Variants in CNIH3 observed in about 807,000 individuals in gnomAD.
CNIH3 encodes protein cornichon homolog 3.
A neutral mutation model predicts 24.1 loss-of-function variants in CNIH3; 14 were observed. That is an observed-to-expected ratio of 0.58 (90% confidence interval 0.38 to 0.91). The LOEUF is 0.91. Among genes scored for constraint, CNIH3 ranks in the 40% least tolerant of loss-of-function variants. The pLI, the probability that CNIH3 is intolerant of heterozygous loss-of-function variation, is 0.00. For missense variants in CNIH3, 178 were observed against 196.8 expected, an observed-to-expected ratio of 0.90 and a Z score of 0.57; for synonymous variants, 68 against 73.8, an observed-to-expected ratio of 0.92 and a Z score of 0.40.
intron 1 of CNIH3, among the ~76,000 whole-genome samples, chr1:224,668,821 G>T (rs1290702236): frequency 6.6e-6 from 1 of 152,022 alleles, no homozygotes; most frequent in Non-Finnish European, 1.5e-5. Flanking sequence ...CCTGGGGCTG[G>T]GGGTGATTAC....
intron 3 of CNIH3, among the ~76,000 whole-genome samples, chr1:224,692,790 T>G (rs1274961647): frequency 6.6e-6 from 1 of 152,110 alleles, no homozygotes; most frequent in Non-Finnish European, 1.5e-5. Flanking sequence ...GTGACCAGAG[T>G]CCACATTTCT....
At chr1:224,559,949 T>G (rs1680296170) in intron 3 of CNIH3, among the ~76,000 whole-genome samples, 1 of 152,202 alleles carries the variant, frequency 6.6e-6, no homozygotes, top group African/African-American at 2.4e-5. Context: ...AATCCCTAAA[T>G]ATGATATTTT....
At chr1:224,548,093 T>C (rs144842750) in intron 3 of CNIH3, among the ~76,000 whole-genome samples, 1 of 152,198 alleles carries the variant, frequency 6.6e-6, no homozygotes, top group African/African-American at 2.4e-5. Context: ...GTACACCCCG[T>C]GATGTTATTT....
chr1:224,494,970 C>A (rs899472690), intron 1 of CNIH3, among the ~76,000 whole-genome samples: 1 of 152,210 alleles, frequency 6.6e-6, no homozygotes, highest in South Asian at 2.1e-4. Context: ...CCTGAGCCCC[C>A]CAAGCTGCTC....
chr1:224,711,310 TTC>T (rs1033710740), intron 3 of CNIH3, among the ~76,000 whole-genome samples: 3 of 150,326 alleles, frequency 2.0e-5, no homozygotes, highest in African/African-American at 4.9e-5. Context: ...TTTTTAATCT[TTC>T]TCTCTCTCTC....
upstream of CNIH3, among the ~76,000 whole-genome samples, chr1:224,513,361 G>GGA (rs1390655461): frequency 1.6e-5 from 2 of 127,294 alleles, no homozygotes; most frequent in African/African-American, 5.8e-5. Context: ...GGTGGGGGTG[G>GGA]GAGGGGGGGG....
intron 1 of CNIH3, among the ~76,000 whole-genome samples, chr1:224,439,455 A>G (rs1011840047): frequency 6.6e-6 from 1 of 152,140 alleles, no homozygotes; most frequent in African/African-American, 2.4e-5. Flanking sequence ...AATGAACCAT[A>G]GAAACGAGAT....
At chr1:224,543,082 A>C (rs929095949) in intron 2 of CNIH3, among the ~76,000 whole-genome samples, 13 of 152,176 alleles carry the variant, frequency 8.5e-5, no homozygotes, top group Non-Finnish European at 1.2e-4. Context: ...GAGCTATGTG[A>C]TATCAGCCGG....
At chr1:224,475,001 T>C (rs34791963) in intron 1 of CNIH3, among the ~76,000 whole-genome samples, 47,059 of 134,890 alleles carry the variant, frequency 0.35, 9,036 homozygotes, top group African/African-American at 0.56. Context: ...GTCGAGATCG[T>C]GCCACTGCAC....
chr1:224,721,846 G>A (rs1305015219), intron 3 of CNIH3, among the ~76,000 whole-genome samples: 2 of 152,184 alleles, frequency 1.3e-5, no homozygotes, highest in African/African-American at 4.8e-5. Flanking sequence ...GATTCTGGAG[G>A]TGGAAGGATG....
chr1:224,702,242 A>G (rs1290297018), intron 3 of CNIH3, among the ~76,000 whole-genome samples: 2 of 152,214 alleles, frequency 1.3e-5, no homozygotes, highest in Admixed American at 6.5e-5. Flanking sequence ...ATAATATTCC[A>G]TAGTACACAC....
intron 1 of CNIH3, among the ~76,000 whole-genome samples, chr1:224,649,845 C>G (rs1419778456): frequency 6.6e-6 from 1 of 152,218 alleles, no homozygotes; most frequent in African/African-American, 2.4e-5. Flanking sequence ...TATAATCTCT[C>G]TGTTGTAAAT....
chr1:224,550,832 C>T (rs983397480), intron 3 of CNIH3, among the ~76,000 whole-genome samples: 5 of 151,706 alleles, frequency 3.3e-5, no homozygotes, highest in African/African-American at 1.2e-4. Flanking sequence ...TAGGTTATAT[C>T]TCCTAATGCT....
intron 1 of CNIH3, among the ~76,000 whole-genome samples, chr1:224,451,524 T>A (rs1675398107): frequency 6.6e-6 from 1 of 152,246 alleles, no homozygotes; most frequent in Admixed American, 6.5e-5. Context: ...TAGAGCCTGC[T>A]ATGGCACAAT....
At chr1:224,630,920 G>A (rs1382534899) in intron 1 of CNIH3, among the ~76,000 whole-genome samples, 1 of 152,070 alleles carries the variant, frequency 6.6e-6, no homozygotes, top group Non-Finnish European at 1.5e-5. Flanking sequence ...CAGCGCTTCG[G>A]GAGGCTGGGG....
chr1:224,437,602 A>G (rs769920776), intron 1 of CNIH3, among the ~76,000 whole-genome samples: 8 of 152,176 alleles, frequency 5.3e-5, no homozygotes, highest in Admixed American at 2.6e-4. Context: ...GTTGTGACCC[A>G]TTTGTAAGTC....
chr1:224,527,909 T>A (rs959037969), intron 2 of CNIH3, among the ~76,000 whole-genome samples: 1 of 152,190 alleles, frequency 6.6e-6, no homozygotes, highest in African/African-American at 2.4e-5. Context: ...ATACTTCTTT[T>A]AAAGTATATC....
At chr1:224,485,078 C>T (rs1178086722) in intron 1 of CNIH3, among the ~76,000 whole-genome samples, 2 of 152,060 alleles carry the variant, frequency 1.3e-5, no homozygotes, top group African/African-American at 4.8e-5. Flanking sequence ...TTTTACATTC[C>T]TACTAATATT....
At chr1:224,638,369 G>A (rs1429302478) in intron 1 of CNIH3, among the ~76,000 whole-genome samples, 2 of 152,202 alleles carry the variant, frequency 1.3e-5, no homozygotes, top group African/African-American at 2.4e-5. Context: ...CTTTTTCAGG[G>A]GCCTCCGGAA....
Sources: allele counts gnomAD v4.1 joint callset (sites outside exome capture counted in the v4.1 genomes callset), GRCh38; gene constraint gnomAD v4.1.1; transcripts MANE v1.5; gene names NCBI Gene and HGNC (gene_info 2026-07-23, HGNC 2026-07-21).